Variants in DNAH7 observed in about 807,000 individuals in gnomAD.
DNAH7 encodes axonemal beta dynein heavy chain 7.
DNAH7 carries 397 observed loss-of-function variants against 444.6 expected under a neutral mutation model. The ratio of observed to expected loss-of-function variants is 0.89; its 90% CI spans 0.82 to 0.97. The LOEUF is 0.97. Among genes scored for constraint, DNAH7 ranks in the 50% least tolerant of loss-of-function variants. The pLI, the probability that DNAH7 is intolerant of heterozygous loss-of-function variation, is 0.00. For missense variants in DNAH7, 4,902 were observed against 4,800.8 expected (o/e 1.02, Z -0.62); for synonymous variants, 1,636 against 1,624.4 (o/e 1.01, Z -0.17).
chr2:195,807,928 C>T (rs1696786911), intron 53 of DNAH7, among the ~76,000 whole-genome samples: 1 of 152,140 alleles, frequency 6.6e-6, no homozygotes, highest in Non-Finnish European at 1.5e-5. Context: ...ATCTCATTCT[C>T]ACATATAATA....
At chr2:195,801,954 C>T (rs909709841) in intron 54 of DNAH7, among the ~76,000 whole-genome samples, 7 of 152,114 alleles carry the variant, frequency 4.6e-5, no homozygotes, top group Non-Finnish European at 1.0e-4. Context: ...AGCAACAACA[C>T]ATTTATAAAT....
At chr2:195,967,070 TTC>T (rs1279602120) in intron 17 of DNAH7, among the ~76,000 whole-genome samples, 1 of 152,164 alleles carries the variant, frequency 6.6e-6, no homozygotes, top group Non-Finnish European at 1.5e-5. Flanking sequence ...GAAGGTGATT[TTC>T]TCTGGTAGTA....
chr2:196,029,727 C>T (rs1695919939), intron 5 of DNAH7, among the ~76,000 whole-genome samples: 1 of 152,136 alleles, frequency 6.6e-6, no homozygotes, highest in Non-Finnish European at 1.5e-5. Context: ...GAAGAATTTG[C>T]CCTTCCATAT....
intron 29 of DNAH7, among the ~76,000 whole-genome samples, chr2:195,897,362 A>G (rs537800096): frequency 1.3e-5 from 2 of 152,316 alleles, no homozygotes; most frequent in South Asian, 4.1e-4. Context: ...GTGGTGTGTT[A>G]GACCAATTAT....
At position 195,796,677 on chromosome 2, in the gene DNAH7, T is replaced by TA. The variant is rs1243147593; in HGVS notation, c.10413dup (p.Met3472TyrfsTer30). On this transcript the variant is annotated frameshift_variant, in exon 56 of 65. Coordinates refer to ENST00000312428, the MANE Select transcript of DNAH7 (RefSeq NM_018897.3). LOFTEE classifies it high-confidence loss of function. ...TTGACAGCTTTTTCTAACATCTTCA[T>TA]AGCAATGGGCCCTTGGCCTTGACCA... 1 of 1,614,182 alleles carries TA rather than the reference T, an allele frequency of 6.2e-7. No individual in the cohort carries two copies. Among genetic ancestry groups the TA allele is most frequent in the Admixed American group, 1.7e-5 (1 of 60,032 alleles).
intron 51 of DNAH7, among the ~76,000 whole-genome samples, chr2:195,813,902 G>A (rs2124877242): frequency 6.6e-6 from 1 of 152,320 alleles, no homozygotes; most frequent in East Asian, 1.9e-4. Flanking sequence ...AGAAAACAAT[G>A]TGCATTAATT....
chr2:195,737,855 G>T lies in DNAH7; in HGVS notation c.*66C>A. 1.1e-6 allele frequency: 1 copy of T among 925,684 alleles called. No homozygotes were observed. The highest frequency in any genetic ancestry group is 1.7e-6 in the Non-Finnish European group (1 of 605,688). 57.3% of individuals were successfully genotyped at this position (925,684 alleles called of 1,614,324 possible). A position where few individuals can be genotyped will look rare whatever the true frequency, so the allele number is the denominator to read the frequency against. On this transcript the variant is annotated 3_prime_UTR_variant, in exon 65 of 65. Coordinates refer to ENST00000312428, the MANE Select transcript of DNAH7 (RefSeq NM_018897.3). ...ACAAACAAAAAAAAAGGTTTAAGTAGTAAAATATGCTTTCTCTACTCAGCC... is the reference window on the plus strand; with the variant it reads ...ACAAACAAAAAAAAAGGTTTAAGTATTAAAATATGCTTTCTCTACTCAGCC...
intron 54 of DNAH7, among the ~76,000 whole-genome samples, chr2:195,804,660 T>C (rs1696624470): frequency 6.6e-6 from 1 of 152,164 alleles, no homozygotes; most frequent in Non-Finnish European, 1.5e-5. Flanking sequence ...GATTCCACTA[T>C]TTTGATGGCA....
intron 41 of DNAH7, among the ~76,000 whole-genome samples, chr2:195,863,809 G>A (rs888511720): frequency 6.6e-6 from 1 of 151,906 alleles, no homozygotes; most frequent in South Asian, 2.1e-4. Context: ...TCCCCTCTTG[G>A]TTCCCTTAAC....
At chr2:195,895,376 ATTTTTTTC>A in intron 29 of DNAH7, 152 bp from the exon 30 acceptor site, 1 of 517,556 alleles carries the variant, frequency 1.9e-6, no homozygotes, top group Non-Finnish European at 3.2e-6. Flanking sequence ...GCAAACGTGT[ATTTTTTTC>A]TTTTTTTCAA....
At chr2:195,861,053 A>G (rs1046824954) in intron 42 of DNAH7, among the ~76,000 whole-genome samples, 1 of 152,192 alleles carries the variant, frequency 6.6e-6, no homozygotes, top group Admixed American at 6.6e-5. Context: ...TGTATTAAAA[A>G]TTTTATTTAA....
intron 60 of DNAH7, among the ~76,000 whole-genome samples, chr2:195,775,591 T>G (rs1695022734): frequency 6.7e-6 from 1 of 148,210 alleles, no homozygotes; most frequent in South Asian, 2.1e-4. Context: ...AAAATGAAAC[T>G]CCTAGAAGCA....
intron 8 of DNAH7, among the ~76,000 whole-genome samples, chr2:196,023,519 T>C (rs978554725): frequency 1.3e-5 from 2 of 152,228 alleles, no homozygotes; most frequent in East Asian, 3.8e-4. Flanking sequence ...CTTCAAACAT[T>C]TCTTCTGCAG....
intron 63 of DNAH7, among the ~76,000 whole-genome samples, chr2:195,746,009 T>G (rs1693378929): frequency 6.6e-6 from 1 of 152,194 alleles, no homozygotes; most frequent in Non-Finnish European, 1.5e-5. Flanking sequence ...ATATTAACTT[T>G]AAATGTAAAT....
At chr2:195,867,013 G>A (rs1268586101) in intron 40 of DNAH7, among the ~76,000 whole-genome samples, 1 of 152,162 alleles carries the variant, frequency 6.6e-6, no homozygotes, top group Non-Finnish European at 1.5e-5. Flanking sequence ...ATGATTGTGA[G>A]GCATCACTAG....
intron 49 of DNAH7, among the ~76,000 whole-genome samples, chr2:195,823,689 G>A (rs1457842492): frequency 6.6e-6 from 1 of 152,098 alleles, no homozygotes; most frequent in Non-Finnish European, 1.5e-5. Flanking sequence ...AGGCTAAGAA[G>A]TAGGACTAAA....
chr2:195,754,612 G>T (rs1466870575), intron 62 of DNAH7, 98 bp from the exon 63 acceptor site: 10 of 1,253,196 alleles, frequency 8.0e-6, no homozygotes, highest in Non-Finnish European at 1.1e-5. Flanking sequence ...CAGGGCTCAG[G>T]TGATCCTCTC....
chr2:195,949,906 A>C (rs1378062583), intron 19 of DNAH7, among the ~76,000 whole-genome samples: 2 of 152,164 alleles, frequency 1.3e-5, no homozygotes, highest in African/African-American at 4.8e-5. Flanking sequence ...GATTACGTTT[A>C]CTGATTTGTA....
chr2:195,780,766 A>C (rs1157993586), intron 58 of DNAH7, among the ~76,000 whole-genome samples: 3 of 151,840 alleles, frequency 2.0e-5, no homozygotes, highest in Non-Finnish European at 4.4e-5. Context: ...ATATATATAT[A>C]TCTCAAAAAA....
Sources: gnomAD v4.1 joint callset for allele counts (sites outside exome capture counted in the v4.1 genomes callset) on GRCh38, gnomAD v4.1.1 for gene constraint, MANE v1.5 for transcripts, NCBI Gene and HGNC (gene_info 2026-07-23, HGNC 2026-07-21) for gene names.